The following PID1 variants were observed in gnomAD, a reference collection of about 807,000 sequenced individuals.
PID1 encodes the protein phosphotyrosine interaction domain containing 1, also known as PTB-containing, cubilin and LRP1-interacting protein.
A neutral mutation model predicts 19.1 loss-of-function variants in PID1; 10 were observed. The observed-to-expected ratio is 0.52, with a 90% confidence interval of 0.32 to 0.89. PID1 has a LOEUF of 0.89. Among genes scored for constraint, PID1 ranks in the 40% least tolerant of loss-of-function variants. The pLI is 0.03. For synonymous variants in PID1, 130 were observed against 116.0 expected, an observed-to-expected ratio of 1.12 and a Z score of -0.78; for missense variants, 248 against 285.3, an observed-to-expected ratio of 0.87 and a Z score of 0.94.
At chr2:229,159,374 TGATTA>T (rs1303318519) in intron 1 of PID1, among the ~76,000 whole-genome samples, 1 of 152,198 alleles carries the variant, frequency 6.6e-6, no homozygotes, top group African/African-American at 2.4e-5. Flanking sequence ...TTTGTAGATG[TGATTA>T]AAGTCCATAA....
intron 1 of PID1, among the ~76,000 whole-genome samples, chr2:229,161,314 G>A (rs1690488907): frequency 6.6e-6 from 1 of 152,108 alleles, no homozygotes; most frequent in African/African-American, 2.4e-5. Flanking sequence ...CCTGAGAAAT[G>A]GAAAGACAGC....
chr2:229,200,704 C>A (rs16825851), intron 1 of PID1, among the ~76,000 whole-genome samples: 3,703 of 152,128 alleles, frequency 0.024, 119 homozygotes, highest in African/African-American at 0.074. Context: ...TTTACCTCCA[C>A]CACTAGAATG....
intron 1 of PID1, among the ~76,000 whole-genome samples, chr2:229,167,779 A>G (rs1411725118): frequency 1.3e-5 from 2 of 152,142 alleles, no homozygotes; most frequent in Non-Finnish European, 2.9e-5. Flanking sequence ...TCATTTGGGG[A>G]CGCTTGAAAA....
Position 229,025,692 on chromosome 2 carries a change from C to T in PID1, c.594G>A (p.Arg198=). 1 of 1,614,106 alleles carries T rather than the reference C, an allele frequency of 6.2e-7. No individual in the cohort carries two copies. Among genetic ancestry groups the T allele is most frequent in the Middle Eastern group, 1.7e-4 (1 of 6,060 alleles). Residue 198 remains arginine, a synonymous_variant, in exon 3 of 3, where the codon CGG becomes CGA. Coordinates refer to ENST00000392055, the MANE Select transcript of PID1 (RefSeq NM_001100818.2). ...KTFHSMKSDG[R]IHSNSSSEEV... ...CTTCGGAGGAGCTGTTGCTGTGGATCCGCCCGTCGCTCTTCATACTGTGGA... is the reference window on the plus strand; with the variant it reads ...CTTCGGAGGAGCTGTTGCTGTGGATTCGCCCGTCGCTCTTCATACTGTGGA...
chr2:229,123,295 C>T (rs993761484), intron 2 of PID1, among the ~76,000 whole-genome samples: 7 of 152,176 alleles, frequency 4.6e-5, no homozygotes, highest in African/African-American at 1.7e-4. Context: ...TTGTGACTAG[C>T]TTCATTCACT....
intron 2 of PID1, among the ~76,000 whole-genome samples, chr2:229,054,096 T>TA (rs200586541): frequency 9.2e-4 from 124 of 134,858 alleles, no homozygotes; most frequent in African/African-American, 3.9e-3. Flanking sequence ...GGTGGGATAT[T>TA]AAAAAAAAAG....
chr2:229,047,179 T>C (rs746582409), intron 2 of PID1, among the ~76,000 whole-genome samples: 1 of 152,204 alleles, frequency 6.6e-6, no homozygotes, highest in Non-Finnish European at 1.5e-5. Context: ...CCAATGTTCA[T>C]GCCAAGGATA....
At chr2:229,245,782 C>T (rs1689985399) in intron 1 of PID1, among the ~76,000 whole-genome samples, 1 of 152,110 alleles carries the variant, frequency 6.6e-6, no homozygotes, top group Non-Finnish European at 1.5e-5. Context: ...GTTTGTGTAA[C>T]TTGCCCAAAG....
At position 229,170,261 on chromosome 2, in the gene PID1, A is replaced by G. The variant is rs1156658797; in HGVS notation, c.31-14297T>C. On this transcript the variant is annotated intron_variant, in intron 1 of 2. Transcript: ENST00000392055. ...GAGAGAGACAACATGAGTGTGAAAG[A>G]TATCTTTCTCATCAACTGTCTGGTA... Among the ~76,000 whole-genome samples the G allele has an allele frequency of 3.3e-5, 5 of 152,226 alleles. No individual in the cohort carries two copies. The South Asian group carries it at 6.2e-4, about 19-fold the overall frequency.
chr2:229,129,306 C>T lies in PID1; in HGVS notation c.177+26512G>A, dbSNP rs372094169. Among the ~76,000 whole-genome samples, 22 of 151,280 alleles carry T rather than the reference C, an allele frequency of 1.5e-4. No individual in the cohort carries two copies. In the East Asian group the frequency reaches 2.2e-3, roughly 15 times the overall value. On this transcript the variant is annotated intron_variant, in intron 2 of 2. Coordinates refer to ENST00000392055, the MANE Select transcript of PID1 (RefSeq NM_001100818.2). ...GCGGGCGCCTGTAGTCCCAGCTACT[C>T]GGGAGGCTGAGGCAGGAGAATGGCA... is the stretch of plus-strand genomic sequence containing the variant.
intron 2 of PID1, among the ~76,000 whole-genome samples, chr2:229,100,882 C>T (rs114369382): frequency 0.02 from 3,062 of 152,336 alleles, 38 homozygotes; most frequent in Non-Finnish European, 0.033. Flanking sequence ...GGAAATCTGA[C>T]ATCACAGCAT....
intron 1 of PID1, chr2:229,232,057 C>T: frequency 1.3e-6 from 2 of 1,538,500 alleles, no homozygotes; most frequent in Non-Finnish European, 1.8e-6. Flanking sequence ...CTGAACATGG[C>T]ACGAAGCCTC....
chr2:229,094,706 T>C (rs1032578771), intron 2 of PID1, among the ~76,000 whole-genome samples: 2 of 152,006 alleles, frequency 1.3e-5, no homozygotes, highest in South Asian at 2.1e-4. Context: ...ATTCAATAAA[T>C]GGTGATGGAA....
At chr2:229,188,590 T>C (rs548416276) in intron 1 of PID1, among the ~76,000 whole-genome samples, 2 of 151,956 alleles carry the variant, frequency 1.3e-5, no homozygotes, top group African/African-American at 4.8e-5. Context: ...ATACAAAAAA[T>C]TAGCCAGGCA....
intron 1 of PID1, among the ~76,000 whole-genome samples, chr2:229,234,843 C>A (rs915708756): frequency 6.6e-6 from 1 of 152,040 alleles, no homozygotes; most frequent in Non-Finnish European, 1.5e-5. Context: ...AAGACCATGG[C>A]GTTTTCAGAG....
At chr2:229,222,639 A>C (rs1202881824) in intron 1 of PID1, among the ~76,000 whole-genome samples, 1 of 152,172 alleles carries the variant, frequency 6.6e-6, no homozygotes, top group South Asian at 2.1e-4. Flanking sequence ...CCCAGGGTAC[A>C]CAAGCCTCAC....
At chr2:229,067,763 C>T (rs1367452284) in intron 2 of PID1, among the ~76,000 whole-genome samples, 2 of 152,194 alleles carry the variant, frequency 1.3e-5, no homozygotes, top group African/African-American at 4.8e-5. Flanking sequence ...TCCATCTCCC[C>T]TCCAAGATGT....
intron 1 of PID1, among the ~76,000 whole-genome samples, chr2:229,196,995 T>C (rs1204108816): frequency 6.6e-6 from 1 of 152,024 alleles, no homozygotes; most frequent in Non-Finnish European, 1.5e-5. Context: ...GTATCAACTG[T>C]AGAACACAAG....
chr2:229,026,016 C>T lies in PID1; in HGVS notation c.270G>A (p.Thr90=), dbSNP rs775718072. 5.4e-5 allele frequency: 87 copies of T among 1,614,048 alleles called. No individual in the cohort carries two copies. In the South Asian group the frequency reaches 9.1e-4, roughly 17 times the overall value. Residue 90 remains threonine (T), a synonymous_variant, in exon 3 of 3, where the codon ACG becomes ACA. Coordinates refer to ENST00000392055, the MANE Select transcript of PID1 (RefSeq NM_001100818.2). ...CCGGAAAGACATCCTCTCGGGCTAG[C>T]GTGTGCTTCTTCCAGAGCTCAATGA... ...KPVIELWKKH[T]LAREDVFPAN... is the part of the protein sequence containing the mutation.
Sources: gnomAD v4.1 joint callset for allele counts (sites outside exome capture counted in the v4.1 genomes callset) on GRCh38, gnomAD v4.1.1 for gene constraint, MANE v1.5 for transcripts, NCBI Gene and HGNC (gene_info 2026-07-23, HGNC 2026-07-21) for gene names.